ALKBH1: variants seen among roughly 807,000 people sequenced by gnomAD.
ALKBH1 encodes the protein nucleic acid dioxygenase ALKBH1.
In ALKBH1, 31 loss-of-function variants were observed where a neutral mutation model predicts 36.6. That is an observed-to-expected ratio of 0.85 (90% CI 0.64 to 1.14). The LOEUF is 1.14. ALKBH1 is among the 50% of genes most tolerant of loss of function. The probability of loss-of-function intolerance (pLI) is 0.00; values close to 1 mark genes in which losing one functional copy is unlikely to be tolerated. For synonymous variants in ALKBH1, 183 were observed against 186.6 expected, an observed-to-expected ratio of 0.98 and a Z score of 0.16; for missense variants, 490 against 497.3, an observed-to-expected ratio of 0.99 and a Z score of 0.14.
At position 77,675,720 on chromosome 14, in the gene ALKBH1, A is replaced by G. The variant is rs2080201543; in HGVS notation, c.676T>C (p.Ser226Pro). 2 of 1,614,192 alleles carry G rather than the reference A, an allele frequency of 1.2e-6. No individual in the cohort carries two copies. Among genetic ancestry groups the G allele is most frequent in the Non-Finnish European group, 1.7e-6 (2 of 1,180,022 alleles). ...CTGTCTACGTGGATTCCCAGTGTGG[A>G]GTCCAGGCGGTAGTAATTCAGGATC... ...AGILNYYRLD[S>P]TLGIHVDRSE... The change falls in exon 5 of 6, where the codon TCC (serine) becomes CCC (proline). Residue 226 changes from serine to proline, a missense_variant. By Grantham distance (74) the Ser-to-Pro change is moderately conservative. Coordinates refer to ENST00000216489, the MANE Select transcript of ALKBH1 (RefSeq NM_006020.3).
chr14:77,679,506 C>G (rs1276062889), intron 4 of ALKBH1, among the ~76,000 whole-genome samples: 2 of 152,094 alleles, frequency 1.3e-5, no homozygotes, highest in Admixed American at 6.5e-5. Context: ...TCTTGGCTCA[C>G]TGCAACCTCC....
chr14:77,690,264 G>A (rs1248721313), intron 3 of ALKBH1, among the ~76,000 whole-genome samples: 1 of 152,134 alleles, frequency 6.6e-6, no homozygotes, highest in African/African-American at 2.4e-5. Context: ...AGGAAATGAG[G>A]TAGGAATGGT....
At chr14:77,703,593 CTTTTTTT>C (rs200488919) in intron 2 of ALKBH1, among the ~76,000 whole-genome samples, 23,196 of 112,896 alleles carry the variant, frequency 0.21, 2,208 homozygotes, top group Middle Eastern at 0.31. Flanking sequence ...CTGCGTCCAG[CTTTTTTT>C]TTTTTTTTTT....
At chr14:77,694,176 G>A (rs1162034131) in intron 3 of ALKBH1, among the ~76,000 whole-genome samples, 5 of 152,202 alleles carry the variant, frequency 3.3e-5, no homozygotes, top group Non-Finnish European at 7.3e-5. Context: ...ACTACTGAGT[G>A]CAGGGAGGGT....
chr14:77,675,331 G>A (rs2080199202), intron 5 of ALKBH1, among the ~76,000 whole-genome samples: 1 of 151,960 alleles, frequency 6.6e-6, no homozygotes, highest in African/African-American at 2.4e-5. Flanking sequence ...CTACTCAGGA[G>A]GCTAAGGCAG....
rs2284232 is a variant in ALKBH1, at chr14:77,691,224, A to T, written c.455+3514T>A. Among the ~76,000 whole-genome samples the T allele has an allele frequency of 3.3e-5, 5 of 152,074 alleles. No individual in the cohort carries two copies. In the South Asian group the frequency reaches 8.3e-4, roughly 25 times the overall value. On this transcript the variant is annotated intron_variant, in intron 3 of 5. Transcript: ENST00000216489. ...TCCTTAAGTTCAAGTATTTTTTTTT[A>T]AATAATTTTTGTTTTTGCTTAAGTT...
chr14:77,675,928 TTAAAA>T, intron 4 of ALKBH1, 79 bp from the exon 5 acceptor site: 1 of 1,151,914 alleles, frequency 8.7e-7, no homozygotes, highest in African/African-American at 1.6e-5. Context: ...AATTACCACT[TTAAAA>T]TAATCTTACT....
At chr14:77,700,879 G>T (rs1193858132) in intron 2 of ALKBH1, among the ~76,000 whole-genome samples, 1 of 152,028 alleles carries the variant, frequency 6.6e-6, no homozygotes, top group Non-Finnish European at 1.5e-5. Context: ...CTTGAGTCCA[G>T]GAGTTCCAGA....
At chr14:77,700,142 T>A (rs951805159) in intron 2 of ALKBH1, among the ~76,000 whole-genome samples, 4 of 152,154 alleles carry the variant, frequency 2.6e-5, no homozygotes, top group African/African-American at 9.6e-5. Flanking sequence ...TGGTCCACTA[T>A]CAGAATTTCA....
intron 3 of ALKBH1, among the ~76,000 whole-genome samples, chr14:77,684,304 A>G (rs2080255573): frequency 1.3e-5 from 2 of 152,204 alleles, no homozygotes; most frequent in South Asian, 4.1e-4. Context: ...AGCCCAAACT[A>G]AAAAACAAAA....
At chr14:77,675,952 C>A (rs540438026) in intron 4 of ALKBH1, 103 bp from the exon 5 acceptor site, 5 of 855,576 alleles carry the variant, frequency 5.8e-6, no homozygotes, top group Middle Eastern at 3.5e-4. Context: ...CTTACAAAGT[C>A]ATATTAACAT....
intron 3 of ALKBH1, among the ~76,000 whole-genome samples, chr14:77,681,224 C>G (rs763533390): frequency 2.6e-5 from 4 of 151,980 alleles, no homozygotes; most frequent in Non-Finnish European, 4.4e-5. Context: ...GGAAACTGAA[C>G]GCAGTATAAA....
intron 3 of ALKBH1, among the ~76,000 whole-genome samples, chr14:77,680,393 A>G (rs1409969082): frequency 6.6e-6 from 1 of 152,186 alleles, no homozygotes; most frequent in Non-Finnish European, 1.5e-5. Context: ...AATGATTTCT[A>G]TGTCTATAAT....
intron 3 of ALKBH1, among the ~76,000 whole-genome samples, chr14:77,691,527 G>A (rs1046943883): frequency 2.0e-5 from 3 of 152,106 alleles, no homozygotes; most frequent in Non-Finnish European, 4.4e-5. Context: ...GGCTTATCCA[G>A]TCCAATACCT....
chr14:77,675,629 A>G (rs766531166), intron 5 of ALKBH1, 27 bp downstream of exon 5: 3 of 1,556,322 alleles, frequency 1.9e-6, no homozygotes, highest in Non-Finnish European at 2.6e-6. Flanking sequence ...GATAAAAAGT[A>G]ATCCCAAATC....
chr14:77,700,059 A>T (rs2080351055), intron 2 of ALKBH1, among the ~76,000 whole-genome samples: 1 of 152,002 alleles, frequency 6.6e-6, no homozygotes, highest in Non-Finnish European at 1.5e-5. Context: ...GTCTCAAAAA[A>T]TAAATAAATA....
rs1039223794 is a variant in ALKBH1, at chr14:77,673,579, AACATAC to A, written c.*227_*232del. 3.7e-6 allele frequency: 2 copies of A among 543,634 alleles called. No homozygotes were observed. Among genetic ancestry groups the A allele is most frequent in the African/African-American group, 3.8e-5 (2 of 52,890 alleles). The allele number at this position is 543,634 out of a possible 1,614,324, so 33.7% of individuals were successfully genotyped here. A position where few individuals can be genotyped will look rare whatever the true frequency, so the allele number is the denominator to read the frequency against. ...ACATACCTCCTTGGACTGACTTCTC[AACATAC>A]ATTACAGCCAACATGTAACTAGGAA... On this transcript the variant is annotated 3_prime_UTR_variant, in exon 6 of 6. Coordinates refer to ENST00000216489, the MANE Select transcript of ALKBH1 (RefSeq NM_006020.3).
chr14:77,695,598 T>A (rs1352712631), intron 2 of ALKBH1, among the ~76,000 whole-genome samples: 1 of 152,230 alleles, frequency 6.6e-6, no homozygotes, highest in Non-Finnish European at 1.5e-5. Flanking sequence ...CTCAATGTAG[T>A]AATCCCAAGC....
chr14:77,704,556 A>G, intron 1 of ALKBH1, 79 bp from the exon 2 acceptor site: 9 of 1,014,322 alleles, frequency 8.9e-6, no homozygotes, highest in Non-Finnish European at 1.4e-5. Context: ...CTCCAAACAC[A>G]TTTCTTGTAT....
Sources: allele counts gnomAD v4.1 joint callset (sites outside exome capture counted in the v4.1 genomes callset), GRCh38; gene constraint gnomAD v4.1.1; transcripts MANE v1.5; gene names NCBI Gene and HGNC (gene_info 2026-07-23, HGNC 2026-07-21).